GRID1: variants seen among roughly 807,000 people sequenced by gnomAD.
The protein encoded by GRID1 is glutamate ionotropic receptor delta type subunit 1, also known as glutamate receptor ionotropic, delta-1.
GRID1 carries 28 observed loss-of-function variants against 98.0 expected under a neutral mutation model. The ratio of observed to expected loss-of-function variants is 0.29; its 90% confidence interval spans 0.21 to 0.39. The LOEUF is 0.39. GRID1 is among the 10% of genes least tolerant of loss of function. The pLI is 1.00. For synonymous variants in GRID1, 553 were observed against 538.5 expected (o/e 1.03, Z -0.37); for missense variants, 1,111 against 1,340.5 (o/e 0.83, Z 2.67).
chr10:85,809,003 A>G (rs1268375917), intron 8 of GRID1, among the ~76,000 whole-genome samples: 1 of 152,158 alleles, frequency 6.6e-6, no homozygotes, highest in Non-Finnish European at 1.5e-5. Context: ...ATGAGAGACA[A>G]CCTGAATGAA....
intron 8 of GRID1, among the ~76,000 whole-genome samples, chr10:85,744,039 C>T (rs915214943): frequency 3.3e-5 from 5 of 151,922 alleles, no homozygotes; most frequent in Non-Finnish European, 7.4e-5. Flanking sequence ...CAGAAAATTC[C>T]AAAATAAGAG....
At chr10:86,254,569 A>G (rs2132051198) in intron 2 of GRID1, among the ~76,000 whole-genome samples, 1 of 149,512 alleles carries the variant, frequency 6.7e-6, no homozygotes, top group South Asian at 2.1e-4. Context: ...AACCCTTGAT[A>G]CTCACGTTGC....
At chr10:85,709,048 T>C in intron 12 of GRID1, 1 of 324,662 alleles carries the variant, frequency 3.1e-6, no homozygotes, top group Non-Finnish European at 6.2e-6. Context: ...ACTACTTGGG[T>C]GCTATGATTC....
At chr10:86,273,791 C>G (rs1461606001) in intron 2 of GRID1, among the ~76,000 whole-genome samples, 7 of 152,032 alleles carry the variant, frequency 4.6e-5, no homozygotes, top group Non-Finnish European at 7.4e-5. Flanking sequence ...TGTTTGAGTT[C>G]ATTGTAGATT....
At chr10:86,005,257 T>C (rs1203859339) in intron 4 of GRID1, among the ~76,000 whole-genome samples, 1 of 151,990 alleles carries the variant, frequency 6.6e-6, no homozygotes, top group East Asian at 1.9e-4. Context: ...ATGGCTCCCA[T>C]CTTATACTGT....
intron 8 of GRID1, among the ~76,000 whole-genome samples, chr10:85,782,418 G>T (rs942605053): frequency 6.6e-6 from 1 of 152,138 alleles, no homozygotes; most frequent in Non-Finnish European, 1.5e-5. Context: ...TATTGAGCAT[G>T]CCAGGCCCTG....
chr10:85,861,868 A>G (rs1843166637), intron 6 of GRID1, among the ~76,000 whole-genome samples: 1 of 152,112 alleles, frequency 6.6e-6, no homozygotes, highest in African/African-American at 2.4e-5. Flanking sequence ...CTCAATGGTC[A>G]CCTCCCATTT....
Position 85,619,901 on chromosome 10 carries a change from G to A in GRID1, c.2326C>T (p.His776Tyr). 2.5e-6 allele frequency: 4 copies of A among 1,614,160 alleles called. No homozygotes were observed. Among genetic ancestry groups the A allele is most frequent in the Non-Finnish European group, 3.4e-6 (4 of 1,179,990 alleles). The change falls in exon 14 of 16, where the codon CAT becomes TAT. Residue 776 changes from histidine to tyrosine, a missense_variant. Physicochemically the swap from His to Tyr is moderately conservative, Grantham distance 83. Around this residue, in one of 3 missense-constraint regions of GRID1, gnomAD observed 762 missense variants for 869.1 expected, o/e 0.88. Coordinates refer to ENST00000327946, the MANE Select transcript of GRID1 (RefSeq NM_017551.3). Reference protein sequence around the residue: ...SSKGYGIALQHGSPYRDLFSQ... With the variant: ...SSKGYGIALQYGSPYRDLFSQ... ...AAGAGGTCCCTGTAGGGGCTGCCAT[G>A]CTGCAGGGCAATCCCGTAACCCTTG...
intron 12 of GRID1, among the ~76,000 whole-genome samples, chr10:85,712,818 C>T (rs1385762400): frequency 6.6e-6 from 1 of 151,318 alleles, no homozygotes; most frequent in Non-Finnish European, 1.5e-5. Context: ...CCTGAAACAA[C>T]AAGTAGATCA....
intron 4 of GRID1, among the ~76,000 whole-genome samples, chr10:85,960,054 G>T (rs1842246212): frequency 6.6e-6 from 1 of 151,958 alleles, no homozygotes; most frequent in Non-Finnish European, 1.5e-5. Flanking sequence ...GCTAATTTTT[G>T]CATTTTTTGG....
At chr10:85,691,632 G>A (rs750747402) in intron 12 of GRID1, among the ~76,000 whole-genome samples, 6 of 152,196 alleles carry the variant, frequency 3.9e-5, no homozygotes, top group Non-Finnish European at 5.9e-5. Context: ...TAACTACCAA[G>A]TTGTGCCTAA....
intron 4 of GRID1, among the ~76,000 whole-genome samples, chr10:86,138,164 G>C (rs557469129): frequency 6.6e-6 from 1 of 152,130 alleles, no homozygotes; most frequent in African/African-American, 2.4e-5. Flanking sequence ...CTGGGCCAGC[G>C]CCAATCAGCC....
intron 8 of GRID1, among the ~76,000 whole-genome samples, chr10:85,772,638 G>T (rs1391176498): frequency 1.3e-5 from 2 of 152,166 alleles, no homozygotes; most frequent in African/African-American, 2.4e-5. Flanking sequence ...TGATAAAAGG[G>T]ATATCACCAC....
At chr10:85,613,701 C>A in intron 14 of GRID1, 54 bp from the exon 15 acceptor site, 1 of 1,575,084 alleles carries the variant, frequency 6.3e-7, no homozygotes, top group East Asian at 2.3e-5. Flanking sequence ...AACTCAGCCA[C>A]CGGGGCCCTG....
At chr10:85,911,113 C>T (rs1841531258) in intron 5 of GRID1, among the ~76,000 whole-genome samples, 2 of 152,306 alleles carry the variant, frequency 1.3e-5, no homozygotes, top group Non-Finnish European at 2.9e-5. Flanking sequence ...AGGGCTGCAG[C>T]AGGCTGGATG....
At chr10:85,665,512 T>A (rs946233226) in intron 12 of GRID1, among the ~76,000 whole-genome samples, 6 of 152,174 alleles carry the variant, frequency 3.9e-5, no homozygotes, top group Non-Finnish European at 5.9e-5. Flanking sequence ...AAAGCTGGCA[T>A]GAGACTCACA....
intron 4 of GRID1, among the ~76,000 whole-genome samples, chr10:86,133,723 T>C (rs1341228537): frequency 1.3e-5 from 2 of 152,222 alleles, no homozygotes; most frequent in East Asian, 3.8e-4. Context: ...CAAGGTCCCA[T>C]GCTGCTCTCA....
chr10:86,088,813 G>C (rs1844101657), intron 4 of GRID1, among the ~76,000 whole-genome samples: 1 of 152,018 alleles, frequency 6.6e-6, no homozygotes, highest in Non-Finnish European at 1.5e-5. Context: ...ACATGATGTT[G>C]AGGTCTGGAG....
intron 2 of GRID1, among the ~76,000 whole-genome samples, chr10:86,225,934 G>A (rs1007775770): frequency 5.3e-5 from 8 of 152,076 alleles, no homozygotes; most frequent in East Asian, 1.9e-4. Context: ...GCAGGCATTC[G>A]TGGGGTCTTT....
Sources: gnomAD v4.1 joint callset for allele counts (sites outside exome capture counted in the v4.1 genomes callset) on GRCh38, gnomAD v4.1.1 for gene constraint, gnomAD v4.1.1 regional missense constraint, MANE v1.5 for transcripts, NCBI Gene and HGNC (gene_info 2026-07-23, HGNC 2026-07-21) for gene names.